Variants in GCC2 observed in about 807,000 individuals in gnomAD.
GCC2 encodes the protein GRIP and coiled-coil domain-containing protein 2.
Under a neutral mutation model 210.6 loss-of-function variants are expected in GCC2, and 120 were observed. That is an observed-to-expected ratio of 0.57 (90% confidence interval 0.49 to 0.66). The LOEUF (loss-of-function observed/expected upper bound fraction) is 0.66, where lower values mean the gene tolerates loss of function less well. Ranked by LOEUF, GCC2 falls within the 30% of genes least tolerant of loss-of-function variation. The probability of loss-of-function intolerance (pLI) is 0.00; values close to 1 mark genes in which losing one functional copy is unlikely to be tolerated. For missense variants in GCC2, 1,868 were observed against 1,871.9 expected, an observed-to-expected ratio of 1.00 and a Z score of 0.04; for synonymous variants, 703 against 652.7, an observed-to-expected ratio of 1.08 and a Z score of -1.17.
chr2:108,449,848 T>C, intron 2 of GCC2, 159 bp downstream of exon 2: 1 of 604,714 alleles, frequency 1.7e-6, no homozygotes. Flanking sequence ...CATTTCCTGT[T>C]TCTCCCCCGC....
intron 5 of GCC2, 180 bp from the exon 6 acceptor site, chr2:108,469,471 C>G (rs1042943102): frequency 2.6e-5 from 14 of 529,316 alleles, no homozygotes; most frequent in Non-Finnish European, 3.3e-5. Context: ...TATATATTGT[C>G]ATACTTTAGA....
chr2:108,481,642 C>T lies in GCC2; in HGVS notation c.3061-55C>T. 2.2e-6 allele frequency: 3 copies of T among 1,390,456 alleles called. 1 individual carries two copies. In the South Asian group the frequency reaches 4.0e-5, roughly 18 times the overall value. The allele number at this position is 1,390,456 out of a possible 1,614,324, so 86.1% of individuals were successfully genotyped here. A position where few individuals can be genotyped will look rare whatever the true frequency, so the allele number is the denominator to read the frequency against. On this transcript the variant is annotated intron_variant, in intron 9 of 22. Transcript: ENST00000309863. Reference sequence around the variant, plus strand: ...TCTTAAGGTGGCTTGATGATGAAGTCTGACCTGTTGAATGCAAAATTATAT... The same window carrying T: ...TCTTAAGGTGGCTTGATGATGAAGTTTGACCTGTTGAATGCAAAATTATAT...
intron 12 of GCC2, among the ~76,000 whole-genome samples, chr2:108,483,770 G>A (rs1196359059): frequency 6.6e-6 from 1 of 152,116 alleles, no homozygotes; most frequent in East Asian, 1.9e-4. Context: ...CTTGAAATTT[G>A]TATTATACTT....
intron 22 of GCC2, among the ~76,000 whole-genome samples, chr2:108,500,987 A>C (rs1248232621): frequency 6.6e-6 from 1 of 151,878 alleles, no homozygotes; most frequent in Admixed American, 6.6e-5. Context: ...CTTAAGCTTT[A>C]TTTTGTTGTC....
intron 4 of GCC2, among the ~76,000 whole-genome samples, chr2:108,458,751 A>G (rs887188574): frequency 4.6e-5 from 7 of 151,902 alleles, no homozygotes; most frequent in Admixed American, 1.3e-4. Context: ...ATTTATTTCT[A>G]TGAGAATGGT....
At chr2:108,451,182 A>G (rs1679925377) in intron 3 of GCC2, 70 bp downstream of exon 3, 3 of 891,754 alleles carry the variant, frequency 3.4e-6, no homozygotes, top group Non-Finnish European at 5.5e-6. Flanking sequence ...AGTTTTTAAA[A>G]TAATGCATTG....
intron 9 of GCC2, 35 bp downstream of exon 9, chr2:108,475,885 AGTT>A: frequency 8.9e-7 from 1 of 1,122,260 alleles, no homozygotes; most frequent in Middle Eastern, 2.1e-4. Context: ...AAGTTATAAA[AGTT>A]GTAATAATAA....
chr2:108,495,480 A>G lies in GCC2; in HGVS notation c.4637A>G (p.Lys1546Arg). Reference sequence around the variant, plus strand: ...CAGCTGCTTAACTCTCCCGAAACTAAACTTGGTATGTTACTCTGTCTAAAT... The same window carrying G: ...CAGCTGCTTAACTCTCCCGAAACTAGACTTGGTATGTTACTCTGTCTAAAT... Reference protein sequence around the residue: ...LEQLLNSPETKLEPPLWHAEF... With the variant: ...LEQLLNSPETRLEPPLWHAEF... Residue 1546 changes from lysine to arginine, a missense_variant, in exon 20 of 23, where the codon AAA becomes AGA. By Grantham distance (26) the Lys-to-Arg change is conservative (BLOSUM62 2). Coordinates refer to ENST00000309863, the MANE Select transcript of GCC2 (RefSeq NM_181453.4). 2.5e-6 allele frequency: 4 copies of G among 1,585,572 alleles called. No individual in the cohort carries two copies. The highest frequency in any genetic ancestry group is 3.4e-6 in the Non-Finnish European group (4 of 1,171,562).
intron 4 of GCC2, among the ~76,000 whole-genome samples, chr2:108,459,483 A>C (rs1411491549): frequency 6.6e-6 from 1 of 152,156 alleles, no homozygotes; most frequent in Non-Finnish European, 1.5e-5. Flanking sequence ...ATGTTCTACA[A>C]ACATCTGTTA....
intron 4 of GCC2, among the ~76,000 whole-genome samples, chr2:108,455,723 C>G (rs1245707801): frequency 6.6e-6 from 1 of 152,146 alleles, no homozygotes; most frequent in Non-Finnish European, 1.5e-5. Context: ...ACCTCCAGCT[C>G]CATCCATATT....
chr2:108,461,988 GC>G (rs1358545114), intron 4 of GCC2, among the ~76,000 whole-genome samples: 5 of 130,652 alleles, frequency 3.8e-5, no homozygotes, highest in African/African-American at 1.3e-4. Context: ...GCCCACCACC[GC>G]CCCCAGCTAA....
intron 17 of GCC2, among the ~76,000 whole-genome samples, chr2:108,489,262 TC>T (rs1475969638): frequency 6.6e-6 from 1 of 152,214 alleles, no homozygotes; most frequent in East Asian, 1.9e-4. Context: ...ACACCTGTAA[TC>T]CCAGCACTTT....
chr2:108,476,809 C>T (rs988989204), intron 9 of GCC2, among the ~76,000 whole-genome samples: 2 of 152,016 alleles, frequency 1.3e-5, no homozygotes, highest in African/African-American at 4.8e-5. Context: ...TTAAAAAAAT[C>T]CCAATGGCAA....
chr2:108,460,490 G>A (rs1411314990), intron 4 of GCC2, among the ~76,000 whole-genome samples: 1 of 151,996 alleles, frequency 6.6e-6, no homozygotes, highest in Non-Finnish European at 1.5e-5. Flanking sequence ...TACCATTTGA[G>A]TCCTTTCTCT....
intron 19 of GCC2, chr2:108,494,589 T>C (rs1682554802): frequency 6.6e-6 from 1 of 152,196 alleles, no homozygotes; most frequent in South Asian, 2.1e-4. Context: ...TCAAGAAGTA[T>C]GCAGCAATCT....
chr2:108,489,762 G>T (rs975377978), intron 17 of GCC2, 76 bp from the exon 18 acceptor site: 7 of 986,522 alleles, frequency 7.1e-6, no homozygotes, highest in Non-Finnish European at 1.0e-5. Context: ...AGGTTAAATG[G>T]TTAAACTATA....
At chr2:108,484,591 T>G (rs2104481714) in intron 13 of GCC2, 1 of 160,344 alleles carries the variant, frequency 6.2e-6, no homozygotes, top group Non-Finnish European at 1.4e-5. Flanking sequence ...TTGAATTGAT[T>G]TTTGTATAAG....
chr2:108,467,024 C>G (rs985608669), intron 4 of GCC2, among the ~76,000 whole-genome samples: 8 of 152,074 alleles, frequency 5.3e-5, no homozygotes, highest in Non-Finnish European at 1.0e-4. Context: ...TATTATTTTT[C>G]TATAGCCTTA....
chr2:108,456,841 T>C (rs1411880079), intron 4 of GCC2, among the ~76,000 whole-genome samples: 5 of 151,848 alleles, frequency 3.3e-5, no homozygotes, highest in Non-Finnish European at 7.4e-5. Flanking sequence ...CCCATCTTCT[T>C]GGGATGCTGA....
Sources: gnomAD v4.1 joint callset for allele counts (sites outside exome capture counted in the v4.1 genomes callset) on GRCh38, gnomAD v4.1.1 for gene constraint, MANE v1.5 for transcripts, NCBI Gene and HGNC (gene_info 2026-07-23, HGNC 2026-07-21) for gene names.